Variants in IREB2 observed in about 807,000 individuals in gnomAD.
IREB2 encodes the protein iron-responsive element-binding protein 2.
Under a neutral mutation model 118.8 loss-of-function variants are expected in IREB2, and 39 were observed. The ratio of observed to expected loss-of-function variants is 0.33; its 90% CI spans 0.25 to 0.43. The LOEUF (loss-of-function observed/expected upper bound fraction) is 0.43. Ranked by LOEUF, IREB2 falls within the 20% of genes least tolerant of loss-of-function variation. IREB2 has a pLI of 1.00. For missense variants in IREB2, 900 were observed against 1,147.3 expected (o/e 0.78, Z 3.11); for synonymous variants, 372 against 392.2 (o/e 0.95, Z 0.61).
In IREB2 at chr15:78,499,517, C is replaced by T. The variant is rs1386381488; in HGVS notation, c.*1374C>T. The T allele has an allele frequency of 2.0e-5, 3 of 152,088 alleles. No individual in the cohort carries two copies. The highest frequency in any genetic ancestry group is 1.5e-5 in the Non-Finnish European group (1 of 68,004). 9.4% of individuals were successfully genotyped at this position (152,088 alleles called of 1,614,324 possible). ...AGAATTACTTGTTGTAAGCAAAATG[C>T]TGAAACTACCAAACCAGTGGATGAA... On this transcript the variant is annotated 3_prime_UTR_variant, in exon 22 of 22. Transcript: ENST00000258886.
intron 2 of IREB2, among the ~76,000 whole-genome samples, chr15:78,443,417 C>T (rs1296969432): frequency 6.6e-6 from 1 of 152,184 alleles, no homozygotes; most frequent in African/African-American, 2.4e-5. Context: ...GCGTTACCAA[C>T]CTGATGCCTT....
In IREB2 at chr15:78,446,616, C is replaced by T. The variant is rs890988378; in HGVS notation, c.106+6735C>T. ...TGCCTGCTCACTTTGTACATGGCCT[C>T]AAATGGCAACCTCAGTCCCTAGCTT... On this transcript the variant is annotated intron_variant, in intron 2 of 21. Coordinates refer to ENST00000258886, the MANE Select transcript of IREB2 (RefSeq NM_004136.4). 2.0e-5 allele frequency among the ~76,000 whole-genome samples: 3 copies of T among 152,180 alleles called. No homozygotes were observed. The South Asian group carries it at 6.2e-4, about 31-fold the overall frequency.
At chr15:78,479,334 T>A (rs2051526514) in intron 10 of IREB2, among the ~76,000 whole-genome samples, 1 of 152,030 alleles carries the variant, frequency 6.6e-6, no homozygotes, top group South Asian at 2.1e-4. Flanking sequence ...TATTCATTAA[T>A]TTTACATAGA....
chr15:78,439,946 C>T, intron 2 of IREB2, 65 bp downstream of exon 2: 1 of 974,978 alleles, frequency 1.0e-6, no homozygotes, highest in Non-Finnish European at 1.6e-6. Context: ...ATTTGTCAAG[C>T]TGAGCTGAAG....
chr15:78,463,633 A>G (rs1352552471), intron 3 of IREB2, among the ~76,000 whole-genome samples: 1 of 152,166 alleles, frequency 6.6e-6, no homozygotes, highest in African/African-American at 2.4e-5. Context: ...CTTTTGTTTA[A>G]CTACCTTCTT....
chr15:78,438,799 C>T (rs757951356), intron 1 of IREB2: 3 of 188,198 alleles, frequency 1.6e-5, no homozygotes, highest in Non-Finnish European at 2.2e-5. Context: ...AGCCTAAGGC[C>T]CCTCAGTCTC....
chr15:78,482,848 C>T (rs1054531131), intron 10 of IREB2, among the ~76,000 whole-genome samples: 10 of 151,814 alleles, frequency 6.6e-5, no homozygotes, highest in African/African-American at 2.4e-4. Context: ...CCTGGGTTCA[C>T]GCCATTCCCC....
intron 2 of IREB2, among the ~76,000 whole-genome samples, chr15:78,444,134 T>A (rs2050889832): frequency 1.3e-5 from 2 of 151,542 alleles, no homozygotes; most frequent in South Asian, 4.2e-4. Context: ...GATAGCTCAC[T>A]GGAGCCTTGA....
intron 2 of IREB2, among the ~76,000 whole-genome samples, chr15:78,442,011 A>G (rs1211698204): frequency 6.6e-6 from 1 of 151,948 alleles, no homozygotes; most frequent in Non-Finnish European, 1.5e-5. Flanking sequence ...AGTTCAAGCG[A>G]TTCTCGTGCC....
chr15:78,447,332 ATT>A (rs778920348), intron 2 of IREB2, among the ~76,000 whole-genome samples: 8 of 138,444 alleles, frequency 5.8e-5, no homozygotes, highest in Admixed American at 7.3e-5. Context: ...CACCTGGCTA[ATT>A]TTTTTTTTTT....
intron 9 of IREB2, 89 bp downstream of exon 9, chr15:78,476,448 T>C (rs1172577440): frequency 5.4e-6 from 5 of 918,890 alleles, no homozygotes; most frequent in Non-Finnish European, 7.7e-6. Flanking sequence ...ATCCATGTTA[T>C]TTACTATTCA....
intron 4 of IREB2, among the ~76,000 whole-genome samples, chr15:78,465,880 A>T (rs2051273145): frequency 6.6e-6 from 1 of 152,180 alleles, no homozygotes; most frequent in African/African-American, 2.4e-5. Flanking sequence ...CGTTCCCTGG[A>T]GTAGTAGAAT....
At chr15:78,444,472 A>G (rs1276946030) in intron 2 of IREB2, among the ~76,000 whole-genome samples, 1 of 152,050 alleles carries the variant, frequency 6.6e-6, no homozygotes, top group African/African-American at 2.4e-5. Context: ...ATCTCAGGTC[A>G]TCTTATTCAC....
chr15:78,482,275 GATCA>G (rs1436574022), intron 10 of IREB2, among the ~76,000 whole-genome samples: 10 of 152,128 alleles, frequency 6.6e-5, no homozygotes, highest in Admixed American at 2.0e-4. Flanking sequence ...TAAGTAGTTG[GATCA>G]GTCAGAATAA....
intron 2 of IREB2, among the ~76,000 whole-genome samples, chr15:78,450,824 TTGTGTGTGTG>T (rs35092289): frequency 0.012 from 1,651 of 134,098 alleles, 19 homozygotes; most frequent in East Asian, 0.02. Flanking sequence ...ATTAACAAAT[TTGTGTGTGTG>T]TGTGTGTGTG....
At chr15:78,478,799 C>T (rs564069354) in intron 10 of IREB2, among the ~76,000 whole-genome samples, 2 of 152,276 alleles carry the variant, frequency 1.3e-5, no homozygotes, top group East Asian at 3.9e-4. Context: ...TAACCTTGGG[C>T]AATTTATTTA....
intron 2 of IREB2, among the ~76,000 whole-genome samples, chr15:78,453,271 A>G (rs959138869): frequency 6.6e-6 from 1 of 152,220 alleles, no homozygotes; most frequent in African/African-American, 2.4e-5. Context: ...CAGTAGAAAG[A>G]GTGTTTCAAA....
At chr15:78,477,450 C>G (rs2051490634) in intron 9 of IREB2, among the ~76,000 whole-genome samples, 1 of 152,156 alleles carries the variant, frequency 6.6e-6, no homozygotes, top group Non-Finnish European at 1.5e-5. Context: ...CAGCTGAGGA[C>G]TTAGGTAAGT....
At chr15:78,483,785 C>CTT (rs1159977288) in intron 11 of IREB2, among the ~76,000 whole-genome samples, 8 of 140,540 alleles carry the variant, frequency 5.7e-5, no homozygotes, top group East Asian at 2.0e-4. Context: ...ATCACAGAAA[C>CTT]TTTTTTTTTT....
Sources: gnomAD v4.1 joint callset for allele counts (sites outside exome capture counted in the v4.1 genomes callset) on GRCh38, gnomAD v4.1.1 for gene constraint, MANE v1.5 for transcripts, NCBI Gene and HGNC (gene_info 2026-07-23, HGNC 2026-07-21) for gene names.